EXD3: variants seen among roughly 807,000 people sequenced by gnomAD.
EXD3 encodes exonuclease 3'-5' domain containing 3, also known as exonuclease mut-7 homolog.
In EXD3, 92 loss-of-function variants were observed where a neutral mutation model predicts 98.0. The ratio of observed to expected loss-of-function variants is 0.94; its 90% CI spans 0.79 to 1.12. EXD3 has a LOEUF of 1.12. EXD3 is among the 50% of genes most tolerant of loss of function. The pLI is 0.00. For missense variants in EXD3, 1,222 were observed against 1,191.6 expected, an observed-to-expected ratio of 1.03 and a Z score of -0.38; for synonymous variants, 569 against 526.0, an observed-to-expected ratio of 1.08 and a Z score of -1.12.
rs772117814 is a variant in EXD3 at position 137,351,113 on chromosome 9, G to A, written c.1419C>T (p.Gly473=). 3 of 1,583,720 alleles carry A rather than the reference G, an allele frequency of 1.9e-6. No homozygotes were observed. The highest frequency in any genetic ancestry group is 2.6e-6 in the Non-Finnish European group (3 of 1,165,886). The stretch of plus-strand genomic sequence containing the variant: ...CATGGGCCAGGGCGGGGCAGGACGT[G>A]CCCAGTTTTTGCAGGTCCCCCACCA... ...YGMVGDLQKL[G]TSCPALAHVE... is the part of the protein sequence containing the mutation. The change falls in exon 14 of 22, where the codon GGC becomes GGT. Residue 473 remains glycine (G), a synonymous_variant. Transcript: ENST00000340951.
chr9:137,367,701 C>T (rs561710975), intron 6 of EXD3: 2 of 499,390 alleles, frequency 4.0e-6, no homozygotes, highest in Admixed American at 7.0e-5. Flanking sequence ...ACACTCAGGG[C>T]TTCAGGGGAC....
At chr9:137,387,713 G>C (rs1836677341) in intron 2 of EXD3, among the ~76,000 whole-genome samples, 1 of 152,186 alleles carries the variant, frequency 6.6e-6, no homozygotes, top group African/African-American at 2.4e-5. Flanking sequence ...GGGGCTTGGA[G>C]CTGACACCGA....
intron 8 of EXD3, among the ~76,000 whole-genome samples, chr9:137,355,566 AGGATGGAGGAAGGAGGAAGGAGAAAGGGC>A (rs1834657977): frequency 3.5e-4 from 3 of 8,636 alleles, no homozygotes; most frequent in Non-Finnish European, 4.9e-4. Flanking sequence ...GGAGGAAGGG[AGGATGGAGGAAGGAGGAAGGAGAAAGGGC>A]GGAAGGAGAA....
intron 20 of EXD3, 36 bp from the exon 21 acceptor site, chr9:137,307,682 C>A: frequency 6.2e-7 from 1 of 1,605,244 alleles, no homozygotes; most frequent in Non-Finnish European, 8.5e-7. Context: ...CCGGGACTGT[C>A]CTAGGGATGG....
At chr9:137,376,929 C>CAAAAAAAA (rs1356344310) in intron 3 of EXD3, 1 of 45,714 alleles carries the variant, frequency 2.2e-5, no homozygotes. Flanking sequence ...ATCTCCATCT[C>CAAAAAAAA]AAAAAAAAAA....
intron 5 of EXD3, among the ~76,000 whole-genome samples, chr9:137,370,055 C>G (rs1206411730): frequency 1.3e-5 from 2 of 152,152 alleles, no homozygotes; most frequent in Non-Finnish European, 2.9e-5. Flanking sequence ...TGGAGCTCCC[C>G]TAGCTCCACC....
chr9:137,316,133 G>A (rs1183963571), intron 19 of EXD3, among the ~76,000 whole-genome samples: 3 of 151,472 alleles, frequency 2.0e-5, no homozygotes, highest in African/African-American at 4.8e-5. Context: ...TTTCCCAGAC[G>A]GGGGAGGGGC....
chr9:137,348,835 C>T (rs1418759361), intron 16 of EXD3, among the ~76,000 whole-genome samples: 2 of 147,660 alleles, frequency 1.4e-5, no homozygotes, highest in African/African-American at 4.9e-5. Flanking sequence ...CTGCCTTGGG[C>T]CATGGGAGGG....
At position 137,347,566 on chromosome 9, in the gene EXD3, C is replaced by T. The variant is rs1834000649; in HGVS notation, c.1998+505G>A. Among the ~76,000 whole-genome samples the T allele has an allele frequency of 6.6e-6, 1 of 152,002 alleles. No homozygotes were observed. Among genetic ancestry groups the T allele is most frequent in the Admixed American group, 6.6e-5 (1 of 15,250 alleles). On this transcript the variant is annotated intron_variant, in intron 17 of 21. Coordinates refer to ENST00000340951, the MANE Select transcript of EXD3 (RefSeq NM_017820.5). This position sits in a 1 kb window ranked among gnomAD's most constrained non-coding sequence, Gnocchi z 4.2. Reference sequence around the variant, plus strand: ...TTAAGCGATTCTCGTGTCTCAGCCTCCTGAGTAGTTGGGATTACAGGCGCC... The same window carrying T: ...TTAAGCGATTCTCGTGTCTCAGCCTTCTGAGTAGTTGGGATTACAGGCGCC...
At chr9:137,315,406 G>T (rs930115824) in intron 19 of EXD3, among the ~76,000 whole-genome samples, 1 of 152,214 alleles carries the variant, frequency 6.6e-6, no homozygotes, top group Non-Finnish European at 1.5e-5. Context: ...GAGACCACGC[G>T]TGTGGGCCTG....
intron 1 of EXD3, among the ~76,000 whole-genome samples, chr9:137,417,009 C>G (rs1012190905): frequency 6.6e-6 from 1 of 152,242 alleles, no homozygotes; most frequent in Non-Finnish European, 1.5e-5. Context: ...CAAGGGGACC[C>G]CACCTTAGGA....
At chr9:137,342,658 C>A (rs1423244615) in intron 17 of EXD3, among the ~76,000 whole-genome samples, 1 of 152,178 alleles carries the variant, frequency 6.6e-6, no homozygotes, top group Admixed American at 6.5e-5. Flanking sequence ...CCGCAAACCA[C>A]CTTCGTCATT....
rs565333407 is a variant in EXD3, at chr9:137,405,966, T to A, written c.-47-10562A>T. Among the ~76,000 whole-genome samples, 1 of 152,134 alleles carries A rather than the reference T, an allele frequency of 6.6e-6. No homozygotes were observed. Among genetic ancestry groups the A allele is most frequent in the African/African-American group, 2.4e-5 (1 of 41,438 alleles). On this transcript the variant is annotated intron_variant, in intron 1 of 21. Coordinates refer to ENST00000340951, the MANE Select transcript of EXD3 (RefSeq NM_017820.5). This position sits in a 1 kb window ranked among gnomAD's most constrained non-coding sequence, Gnocchi z 4.1. ...TGGGCACGGTGGCTCACGCCTGTAATCCCAGCCTTGTGGGAGGCCGAGGCG... is the reference window on the plus strand; with the variant it reads ...TGGGCACGGTGGCTCACGCCTGTAAACCCAGCCTTGTGGGAGGCCGAGGCG...
At chr9:137,399,063 C>G (rs1837363913) in intron 1 of EXD3, among the ~76,000 whole-genome samples, 1 of 152,254 alleles carries the variant, frequency 6.6e-6, no homozygotes, top group South Asian at 2.1e-4. Context: ...CCCTGTGGCA[C>G]AGGCGCATCC....
chr9:137,407,661 C>T lies in EXD3; in HGVS notation c.-47-12257G>A, dbSNP rs1837794249. ...GAGTGCGGCCCCCCAGACACACCCA[C>T]GGCCGTCCACCATCCAAGCATAAAC... On this transcript the variant is annotated intron_variant, in intron 1 of 21. Transcript: ENST00000340951. The surrounding 1 kb of genome is among the most constrained non-coding windows in gnomAD (Gnocchi z 4.4). 1.3e-5 allele frequency among the ~76,000 whole-genome samples: 2 copies of T among 152,240 alleles called. No individual in the cohort carries two copies. Among genetic ancestry groups the T allele is most frequent in the South Asian group, 4.1e-4 (2 of 4,836 alleles).
chr9:137,380,764 T>C (rs1836219482), intron 3 of EXD3, among the ~76,000 whole-genome samples: 1 of 136,360 alleles, frequency 7.3e-6, no homozygotes, highest in African/African-American at 2.8e-5. Context: ...GCTTCAGTAG[T>C]GGGGCTGGGG....
intron 7 of EXD3, among the ~76,000 whole-genome samples, chr9:137,358,894 C>T (rs1268499980): frequency 2.6e-5 from 4 of 151,282 alleles, no homozygotes; most frequent in Non-Finnish European, 5.9e-5. Context: ...TCACGTTGCT[C>T]AGGCTGGTTT....
At chr9:137,398,267 C>A (rs1175805231) in intron 1 of EXD3, among the ~76,000 whole-genome samples, 1 of 152,234 alleles carries the variant, frequency 6.6e-6, no homozygotes, top group African/African-American at 2.4e-5. Context: ...CACTGCACGC[C>A]TGGCTCTGGG....
intron 3 of EXD3, among the ~76,000 whole-genome samples, chr9:137,379,557 T>G (rs559690226): frequency 2.0e-5 from 3 of 152,008 alleles, no homozygotes; most frequent in East Asian, 1.9e-4. Context: ...GGTTTGCTTC[T>G]GAAGCGATGA....
Sources: allele counts gnomAD v4.1 joint callset (sites outside exome capture counted in the v4.1 genomes callset), GRCh38; gene constraint gnomAD v4.1.1; non-coding constraint Gnocchi (gnomAD v3.1); transcripts MANE v1.5; gene names NCBI Gene and HGNC (gene_info 2026-07-23, HGNC 2026-07-21).